SYT1: variants seen among roughly 807,000 people sequenced by gnomAD.
SYT1 encodes synaptotagmin-1.
SYT1 carries 8 observed loss-of-function variants against 44.8 expected under a neutral mutation model. That is an observed-to-expected ratio of 0.18 (90% confidence interval 0.10 to 0.32). SYT1 has a LOEUF of 0.32. Ranked by LOEUF, SYT1 falls within the 10% of genes least tolerant of loss-of-function variation. SYT1 has a pLI of 1.00. For missense variants in SYT1, 286 were observed against 509.3 expected, an observed-to-expected ratio of 0.56 and a Z score of 4.22; for synonymous variants, 154 against 188.8, an observed-to-expected ratio of 0.82 and a Z score of 1.51.
At chr12:79,054,604 C>A (rs1335503101) in intron 3 of SYT1, among the ~76,000 whole-genome samples, 2 of 151,932 alleles carry the variant, frequency 1.3e-5, no homozygotes, top group Non-Finnish European at 2.9e-5. Context: ...TTTGGAAATT[C>A]ATTCCTTTAT....
chr12:79,439,516 C>T (rs938067561), intron 9 of SYT1, among the ~76,000 whole-genome samples: 8 of 152,072 alleles, frequency 5.3e-5, no homozygotes, highest in Admixed American at 5.2e-4. Flanking sequence ...AAGACTCTTT[C>T]CCATTTGCTA....
chr12:79,299,394 C>A lies in SYT1; in HGVS notation c.653C>A (p.Ser218Ter). 6.2e-7 allele frequency: 1 copy of A among 1,612,822 alleles called. No individual in the cohort carries two copies. The highest frequency in any genetic ancestry group is 8.5e-7 in the Non-Finnish European group (1 of 1,179,324). The change falls in exon 8 of 11, where the codon TCG (serine) becomes TAG (stop). Residue 218 changes from serine (S) to a stop codon, truncating the protein, a stop_gained. Transcript: ENST00000261205. LOFTEE classifies it high-confidence loss of function. ...TGTCTTTTAATTTAGGTACCATACTCGGAATTGGGTGGCAAAACCCTAGTG... is the reference window on the plus strand; with the variant it reads ...TGTCTTTTAATTTAGGTACCATACTAGGAATTGGGTGGCAAAACCCTAGTG... ...NEQFTFKVPYSELGGKTLVMA... is the reference protein window; with the variant it reads ...NEQFTFKVPY
At chr12:79,090,008 G>T (rs985818168) in intron 3 of SYT1, among the ~76,000 whole-genome samples, 2 of 151,998 alleles carry the variant, frequency 1.3e-5, no homozygotes, top group Admixed American at 1.3e-4. Flanking sequence ...AATCTCTGTA[G>T]CTTGTTTTGT....
At chr12:79,176,093 C>G (rs895216510) in intron 3 of SYT1, among the ~76,000 whole-genome samples, 2 of 151,830 alleles carry the variant, frequency 1.3e-5, no homozygotes, top group Admixed American at 6.6e-5. Flanking sequence ...GAGTTCAAAA[C>G]CAGCCTGGCC....
chr12:79,377,690 G>T (rs985907711), intron 9 of SYT1, among the ~76,000 whole-genome samples: 2 of 152,036 alleles, frequency 1.3e-5, no homozygotes, highest in Non-Finnish European at 2.9e-5. Flanking sequence ...TATTGTCTTT[G>T]TTGTATAAAC....
intron 1 of SYT1, among the ~76,000 whole-genome samples, chr12:78,946,838 G>T (rs767214377): frequency 1.3e-5 from 2 of 151,924 alleles, no homozygotes; most frequent in Non-Finnish European, 2.9e-5. Context: ...GATGATACAC[G>T]TACTCACCAA....
chr12:79,248,810 G>T (rs1412285141), intron 4 of SYT1, among the ~76,000 whole-genome samples: 10 of 152,290 alleles, frequency 6.6e-5, no homozygotes, highest in African/African-American at 2.4e-4. Flanking sequence ...TTGAGAGTTA[G>T]CCCTGCAAAG....
In SYT1 at chr12:79,000,693, T is replaced by A. The variant is rs148640155; in HGVS notation, c.-84+22762T>A. Among the ~76,000 whole-genome samples the A allele has an allele frequency of 2.2e-3, 336 of 152,262 alleles. 4 individuals carry two copies. Among genetic ancestry groups the A allele is most frequent in the African/African-American group, 7.8e-3 (323 of 41,558 alleles). Reference sequence around the variant, plus strand: ...ATAGTTGAAGCTGCCAAGACTGAGGTTGGATTTCCTAATGGTGCCTTAGTC... The same window carrying A: ...ATAGTTGAAGCTGCCAAGACTGAGGATGGATTTCCTAATGGTGCCTTAGTC... On this transcript the variant is annotated intron_variant, in intron 2 of 10. Transcript: ENST00000261205.
chr12:78,958,908 C>T (rs1315961769), intron 1 of SYT1, among the ~76,000 whole-genome samples: 2 of 152,026 alleles, frequency 1.3e-5, no homozygotes, highest in Non-Finnish European at 2.9e-5. Context: ...GAAAAGATTT[C>T]CTACATAAAT....
At chr12:79,394,861 A>G (rs1884807568) in intron 9 of SYT1, among the ~76,000 whole-genome samples, 1 of 152,204 alleles carries the variant, frequency 6.6e-6, no homozygotes, top group Non-Finnish European at 1.5e-5. Flanking sequence ...TTTTTTCACT[A>G]TTAAATACAT....
At chr12:78,981,841 A>G (rs1309969545) in intron 2 of SYT1, among the ~76,000 whole-genome samples, 1 of 152,168 alleles carries the variant, frequency 6.6e-6, no homozygotes, top group Non-Finnish European at 1.5e-5. Context: ...ATTTTGTTGT[A>G]TTTGAATTTT....
chr12:79,010,381 T>A (rs1388632434), intron 2 of SYT1, among the ~76,000 whole-genome samples: 1 of 152,096 alleles, frequency 6.6e-6, no homozygotes, highest in Non-Finnish European at 1.5e-5. Flanking sequence ...ATCCTCCACT[T>A]CATTCTGAAC....
chr12:79,199,660 C>T (rs570429065), intron 3 of SYT1, among the ~76,000 whole-genome samples: 1 of 152,194 alleles, frequency 6.6e-6, no homozygotes, highest in East Asian at 1.9e-4. Flanking sequence ...AGCAAATTCA[C>T]CTAAGTTTAC....
intron 4 of SYT1, among the ~76,000 whole-genome samples, chr12:79,262,911 G>A (rs749833361): frequency 2.0e-5 from 3 of 152,290 alleles, no homozygotes; most frequent in Non-Finnish European, 4.4e-5. Context: ...AAAAAAGATA[G>A]AGTACATAGA....
intron 8 of SYT1, among the ~76,000 whole-genome samples, chr12:79,328,924 A>C (rs918693394): frequency 6.6e-6 from 1 of 152,188 alleles, no homozygotes; most frequent in African/African-American, 2.4e-5. Flanking sequence ...AAAGGAAAAA[A>C]AATGCCCTGA....
At chr12:78,951,860 G>A (rs1878985581) in intron 1 of SYT1, among the ~76,000 whole-genome samples, 1 of 152,108 alleles carries the variant, frequency 6.6e-6, no homozygotes, top group East Asian at 1.9e-4. Flanking sequence ...TGGAGCTTAT[G>A]TGTCATTCAG....
intron 1 of SYT1, among the ~76,000 whole-genome samples, chr12:78,905,900 G>C (rs1476269175): frequency 2.6e-5 from 4 of 151,948 alleles, no homozygotes; most frequent in Non-Finnish European, 4.4e-5. Flanking sequence ...CATCAAGGAA[G>C]TTTTTTCCCC....
intron 4 of SYT1, among the ~76,000 whole-genome samples, chr12:79,252,505 T>C (rs1877278331): frequency 6.6e-6 from 1 of 152,274 alleles, no homozygotes; most frequent in East Asian, 1.9e-4. Context: ...GTGTGATTCA[T>C]TCTGACAGGG....
intron 1 of SYT1, among the ~76,000 whole-genome samples, chr12:78,883,202 C>CA (rs1565700857): frequency 6.6e-6 from 1 of 151,652 alleles, no homozygotes; most frequent in East Asian, 2.0e-4. Flanking sequence ...TGACACAATG[C>CA]AAAAAATAAG....
Sources: allele counts gnomAD v4.1 joint callset (sites outside exome capture counted in the v4.1 genomes callset), GRCh38; gene constraint gnomAD v4.1.1; transcripts MANE v1.5; gene names NCBI Gene and HGNC (gene_info 2026-07-23, HGNC 2026-07-21).